MANBA: variants seen among roughly 807,000 people sequenced by gnomAD.
MANBA encodes the protein beta-mannosidase.
MANBA carries 83 observed loss-of-function variants against 111.1 expected under a neutral mutation model. The observed-to-expected ratio is 0.75, with a 90% CI of 0.63 to 0.90. The LOEUF is 0.90. Ranked by LOEUF, MANBA falls within the 40% of genes least tolerant of loss-of-function variation. The pLI is 0.00. For synonymous variants in MANBA, 370 were observed against 378.7 expected (o/e 0.98, Z 0.27); for missense variants, 1,036 against 1,069.0 (o/e 0.97, Z 0.43).
intron 8 of MANBA, chr4:102,672,240 C>T (rs893582431): frequency 1.8e-5 from 7 of 395,218 alleles, no homozygotes; most frequent in African/African-American, 1.2e-4. Context: ...ACATTCTAAA[C>T]ATCAAATAAT....
chr4:102,712,317 C>G (rs776521289), intron 5 of MANBA, among the ~76,000 whole-genome samples: 3 of 152,148 alleles, frequency 2.0e-5, no homozygotes, highest in Non-Finnish European at 2.9e-5. Context: ...AAAATTCACT[C>G]AGTCACTAGT....
chr4:102,688,595 G>T (rs936473403), intron 7 of MANBA, among the ~76,000 whole-genome samples: 1 of 152,204 alleles, frequency 6.6e-6, no homozygotes, highest in Non-Finnish European at 1.5e-5. Flanking sequence ...GGGAGAGGAG[G>T]AGATCTTTGA....
intron 4 of MANBA, among the ~76,000 whole-genome samples, chr4:102,718,332 G>C (rs913259209): frequency 3.3e-5 from 5 of 152,248 alleles, no homozygotes; most frequent in African/African-American, 1.2e-4. Flanking sequence ...GTCTGGAATT[G>C]AAGACAAGTT....
At chr4:102,686,025 C>G (rs1732195509) in intron 7 of MANBA, among the ~76,000 whole-genome samples, 1 of 152,110 alleles carries the variant, frequency 6.6e-6, no homozygotes, top group Non-Finnish European at 1.5e-5. Context: ...ATTTCAGGCT[C>G]CAGCTCGAGA....
intron 5 of MANBA, among the ~76,000 whole-genome samples, chr4:102,692,010 C>T (rs1381103104): frequency 6.6e-6 from 1 of 152,120 alleles, no homozygotes; most frequent in African/African-American, 2.4e-5. Context: ...AAAAGTTGAG[C>T]ACGGTCCAAA....
At chr4:102,756,797 TAAAAAAAAA>T (rs35787338) in intron 1 of MANBA, among the ~76,000 whole-genome samples, 1 of 72,004 alleles carries the variant, frequency 1.4e-5, no homozygotes, top group African/African-American at 5.5e-5. Context: ...AGAGACTATC[TAAAAAAAAA>T]AAAAAAAAAA....
chr4:102,744,020 C>T (rs924074643), intron 1 of MANBA, among the ~76,000 whole-genome samples: 3 of 152,220 alleles, frequency 2.0e-5, no homozygotes, highest in Non-Finnish European at 4.4e-5. Flanking sequence ...GCAGCTTGCA[C>T]AGCAGCCTGG....
rs772105590 is a variant in MANBA at position 102,726,598 on chromosome 4, A to C, written c.263T>G (p.Phe88Cys). The C allele has an allele frequency of 6.6e-7, 1 of 1,511,516 alleles. No individual in the cohort carries two copies. The highest frequency in any genetic ancestry group is 9.2e-7 in the Non-Finnish European group (1 of 1,088,290). The allele number at this position is 1,511,516 out of a possible 1,614,324, so 93.6% of individuals were successfully genotyped here. Reference sequence around the variant, plus strand: ...CCACAAACATACATACCTAATTTCAAAGGGGATTTTAAATTCTTTGCTATA... The same window carrying C: ...CCACAAACATACATACCTAATTTCACAGGGGATTTTAAATTCTTTGCTATA... ...WTYSKEFKIP[F>C]EISKWQKVNL... Residue 88 changes from phenylalanine to cysteine, a missense_variant, in exon 2 of 17, where the codon TTT (phenylalanine) becomes TGT (cysteine). Coordinates refer to ENST00000647097, the MANE Select transcript of MANBA (RefSeq NM_005908.4).
At chr4:102,637,367 G>A (rs1417363681) in intron 14 of MANBA, among the ~76,000 whole-genome samples, 2 of 152,132 alleles carry the variant, frequency 1.3e-5, no homozygotes, top group East Asian at 1.9e-4. Flanking sequence ...TCTCTAATCC[G>A]ATTGTGGGTC....
chr4:102,657,227 G>GT (rs1560752362), intron 12 of MANBA, among the ~76,000 whole-genome samples: 3 of 123,340 alleles, frequency 2.4e-5, no homozygotes, highest in African/African-American at 8.7e-5. Context: ...TGGGGTGGGG[G>GT]GGGGGTGGGC....
chr4:102,741,952 G>T (rs1560809442), intron 1 of MANBA, among the ~76,000 whole-genome samples: 1 of 152,260 alleles, frequency 6.6e-6, no homozygotes, highest in East Asian at 1.9e-4. Flanking sequence ...ATTCCTGAAG[G>T]GTCTGGGCCA....
intron 7 of MANBA, among the ~76,000 whole-genome samples, chr4:102,677,468 T>G (rs1731777193): frequency 6.6e-6 from 1 of 152,200 alleles, no homozygotes; most frequent in Non-Finnish European, 1.5e-5. Context: ...ACAAACATTT[T>G]CCAATAACCA....
chr4:102,695,046 A>G (rs1212895550), intron 5 of MANBA, among the ~76,000 whole-genome samples: 4 of 152,196 alleles, frequency 2.6e-5, no homozygotes, highest in Non-Finnish European at 4.4e-5. Flanking sequence ...CAAAGAGCAC[A>G]ATGTGTCTGA....
chr4:102,720,676 CA>C (rs1031951429), intron 4 of MANBA, among the ~76,000 whole-genome samples: 1 of 151,716 alleles, frequency 6.6e-6, no homozygotes, highest in Admixed American at 6.6e-5. Flanking sequence ...CATTGGAAGC[CA>C]AAGGCAAAAG....
At chr4:102,738,731 G>C (rs1723303017) in intron 1 of MANBA, among the ~76,000 whole-genome samples, 1 of 152,310 alleles carries the variant, frequency 6.6e-6, no homozygotes, top group South Asian at 2.1e-4. Context: ...TAGCTCTCCA[G>C]CAATGGATCG....
chr4:102,757,047 G>A (rs1724052103), intron 1 of MANBA, among the ~76,000 whole-genome samples: 1 of 152,126 alleles, frequency 6.6e-6, no homozygotes, highest in African/African-American at 2.4e-5. Context: ...AGCAGGCTGA[G>A]GGCCAGGCAC....
At chr4:102,656,096 T>C (rs1225188639) in intron 12 of MANBA, among the ~76,000 whole-genome samples, 2 of 151,920 alleles carry the variant, frequency 1.3e-5, no homozygotes, top group African/African-American at 4.8e-5. Context: ...CTATAAAAAA[T>C]ACAAAAATTA....
intron 9 of MANBA, 116 bp from the exon 10 acceptor site, chr4:102,669,165 C>A (rs55747618): frequency 3.6e-5 from 29 of 815,632 alleles, no homozygotes; most frequent in African/African-American, 3.2e-4. Context: ...TCCAGTTAGC[C>A]TGATGAGTGT....
chr4:102,668,699 G>A (rs1731340060), intron 10 of MANBA: 2 of 438,068 alleles, frequency 4.6e-6, no homozygotes, highest in African/African-American at 4.0e-5. Context: ...CCTCCAAGCA[G>A]AGGCACCAGG....
Sources: gnomAD v4.1 joint callset for allele counts (sites outside exome capture counted in the v4.1 genomes callset) on GRCh38, gnomAD v4.1.1 for gene constraint, MANE v1.5 for transcripts, NCBI Gene and HGNC (gene_info 2026-07-23, HGNC 2026-07-21) for gene names.